Variants in WWP2 observed in about 807,000 individuals in gnomAD.
WWP2 encodes the protein NEDD4-like E3 ubiquitin-protein ligase WWP2.
In WWP2, 57 loss-of-function variants were observed where a neutral mutation model predicts 121.0. The ratio of observed to expected loss-of-function variants is 0.47; its 90% CI spans 0.38 to 0.59. The LOEUF (loss-of-function observed/expected upper bound fraction) is 0.59. Among genes scored for constraint, WWP2 ranks in the 20% least tolerant of loss-of-function variants. The pLI, the probability that WWP2 is intolerant of heterozygous loss-of-function variation, is 0.00. For missense variants in WWP2, 962 were observed against 1,158.9 expected (o/e 0.83, Z 2.47); for synonymous variants, 449 against 441.3 (o/e 1.02, Z -0.22).
At chr16:69,841,355 G>A (rs2056973983) in intron 5 of WWP2, among the ~76,000 whole-genome samples, 1 of 152,224 alleles carries the variant, frequency 6.6e-6, no homozygotes, top group Admixed American at 6.5e-5. Context: ...GTTTCTCTGA[G>A]GAAGCTGAGA....
chr16:69,931,453 A>G, intron 14 of WWP2, 56 bp from the exon 15 acceptor site: 3 of 1,603,638 alleles, frequency 1.9e-6, no homozygotes, highest in Middle Eastern at 1.7e-4. Flanking sequence ...TACAGACAGG[A>G]GAACAGATGA....
intron 1 of WWP2, among the ~76,000 whole-genome samples, chr16:69,786,302 C>T (rs1219825675): frequency 6.6e-6 from 1 of 151,674 alleles, no homozygotes; most frequent in Non-Finnish European, 1.5e-5. Flanking sequence ...CACCACTATG[C>T]TTGGCTAATT....
intron 9 of WWP2, among the ~76,000 whole-genome samples, chr16:69,913,928 C>T (rs1567428388): frequency 6.6e-6 from 1 of 151,282 alleles, no homozygotes; most frequent in Non-Finnish European, 1.5e-5. Context: ...AAAAATTAGC[C>T]AGGCGTGGTG....
chr16:69,795,259 TACACACACACACACACACAC>T (rs10578834), intron 2 of WWP2, among the ~76,000 whole-genome samples: 1 of 92,962 alleles, frequency 1.1e-5, no homozygotes, highest in East Asian at 2.2e-4. Context: ...AAAATGCGGA[TACACACACACACACACACAC>T]ACACACACAC....
chr16:69,940,071 T>A lies in WWP2; in HGVS notation c.*131T>A. The A allele has an allele frequency of 1.4e-6, 1 of 709,730 alleles. No homozygotes were observed. The highest frequency in any genetic ancestry group is 2.3e-6 in the Non-Finnish European group (1 of 436,674). The allele number at this position is 709,730 out of a possible 1,614,324, so 44.0% of individuals were successfully genotyped here. ...CCCTGTGTGGGACCACACTGTCATCTCGCTGCTGGCAGAAAAGCCTGATCC... is the reference window on the plus strand; with the variant it reads ...CCCTGTGTGGGACCACACTGTCATCACGCTGCTGGCAGAAAAGCCTGATCC... On this transcript the variant is annotated 3_prime_UTR_variant, in exon 24 of 24. Coordinates refer to ENST00000359154, the MANE Select transcript of WWP2 (RefSeq NM_001270454.2).
At chr16:69,887,025 C>T (rs1366103679) in intron 7 of WWP2, among the ~76,000 whole-genome samples, 1 of 152,064 alleles carries the variant, frequency 6.6e-6, no homozygotes, top group Admixed American at 6.6e-5. Flanking sequence ...TCCAAAAAAC[C>T]ACAGTTCTTT....
At chr16:69,889,620 A>G (rs899519347) in intron 8 of WWP2, among the ~76,000 whole-genome samples, 4 of 152,166 alleles carry the variant, frequency 2.6e-5, no homozygotes, top group Non-Finnish European at 5.9e-5. Context: ...CTGGTAAGTG[A>G]TATTTTCCGA....
chr16:69,933,288 T>A (rs2058745702), intron 16 of WWP2: 1 of 367,254 alleles, frequency 2.7e-6, no homozygotes, highest in Non-Finnish European at 5.5e-6. Flanking sequence ...CCAAAAGGAC[T>A]CTGAATTCAT....
intron 8 of WWP2, among the ~76,000 whole-genome samples, chr16:69,900,846 G>A (rs1450293927): frequency 6.6e-6 from 1 of 152,150 alleles, no homozygotes; most frequent in Non-Finnish European, 1.5e-5. Context: ...CTCTATTGAG[G>A]AGCTTTGGTA....
In WWP2 at chr16:69,782,875, T is replaced by G. The variant is rs190030426; in HGVS notation, c.-15-4121T>G. On this transcript the variant is annotated intron_variant, in intron 1 of 23. Transcript: ENST00000359154. ...AAATAGAGCCAAGGTCTCACTATGTTGCCCAGGCTGGTCTTGAATTCCTGC... is the reference window on the plus strand; with the variant it reads ...AAATAGAGCCAAGGTCTCACTATGTGGCCCAGGCTGGTCTTGAATTCCTGC... Among the ~76,000 whole-genome samples, 4 of 152,298 alleles carry G rather than the reference T, an allele frequency of 2.6e-5. No homozygotes were observed. In the East Asian group the frequency reaches 7.7e-4, roughly 29 times the overall value.
intron 4 of WWP2, among the ~76,000 whole-genome samples, chr16:69,800,462 A>G (rs938563520): frequency 6.6e-6 from 1 of 152,174 alleles, no homozygotes; most frequent in Non-Finnish European, 1.5e-5. Context: ...CCCAGCCAAT[A>G]TACTTTTGCT....
rs79710401 is a variant in WWP2 at position 69,918,391 on chromosome 16, A to T, written c.1179+508A>T. ...GCTCATCTAGATCAGGGATTGGCAA[A>T]TAATAGTCCATGGGCCAAGCTGGCC... On this transcript the variant is annotated intron_variant, in intron 10 of 23. Coordinates refer to ENST00000359154, the MANE Select transcript of WWP2 (RefSeq NM_001270454.2). Among the ~76,000 whole-genome samples, 501 of 152,344 alleles carry T rather than the reference A, an allele frequency of 3.3e-3. 4 individuals carry two copies. Among genetic ancestry groups the T allele is most frequent in the African/African-American group, 0.011 (476 of 41,582 alleles).
At chr16:69,892,983 G>T (rs2058052625) in intron 8 of WWP2, among the ~76,000 whole-genome samples, 1 of 152,202 alleles carries the variant, frequency 6.6e-6, no homozygotes. Context: ...TACCCTTCAA[G>T]CCTTCGGTGG....
intron 2 of WWP2, 81 bp from the exon 3 acceptor site, chr16:69,798,601 A>C: frequency 6.8e-7 from 1 of 1,467,890 alleles, no homozygotes; most frequent in Admixed American, 2.2e-5. Flanking sequence ...CAATAACTAA[A>C]AAGAGCCGGA....
chr16:69,817,117 T>C (rs1367387430), intron 4 of WWP2, among the ~76,000 whole-genome samples: 1 of 152,216 alleles, frequency 6.6e-6, no homozygotes, highest in African/African-American at 2.4e-5. Context: ...TATAATCATA[T>C]TTGTATGTAT....
At chr16:69,872,068 A>G in intron 7 of WWP2, 137 bp downstream of exon 7, 1 of 1,334,010 alleles carries the variant, frequency 7.5e-7, no homozygotes, top group Non-Finnish European at 1.0e-6. Flanking sequence ...CTGGATTTGA[A>G]TCCATCAGTC....
intron 2 of WWP2, among the ~76,000 whole-genome samples, chr16:69,797,313 C>T (rs544739732): frequency 2.6e-4 from 40 of 152,244 alleles, no homozygotes; most frequent in African/African-American, 8.9e-4. Context: ...AATCGAAGAA[C>T]AGCAATAGAA....
chr16:69,851,085 A>G (rs1379124119), intron 6 of WWP2, among the ~76,000 whole-genome samples: 1 of 140,282 alleles, frequency 7.1e-6, no homozygotes, highest in Non-Finnish European at 1.5e-5. Context: ...ATCTCAGCTT[A>G]CTGCAACCTC....
At position 69,798,799 on chromosome 16, in the gene WWP2, C is replaced by T; in HGVS notation, c.188C>T (p.Ser63Phe). 1 of 1,614,088 alleles carries T rather than the reference C, an allele frequency of 6.2e-7. No homozygotes were observed. Among genetic ancestry groups the T allele is most frequent in the Non-Finnish European group, 8.5e-7 (1 of 1,180,000 alleles). Residue 63 changes from serine (S) to phenylalanine (F), a missense_variant, in exon 3 of 24, where the codon TCT becomes TTT. This residue lies in a region of WWP2 where 145 missense variants were observed against 189.8 expected (regional missense o/e 0.76). Coordinates refer to ENST00000359154, the MANE Select transcript of WWP2 (RefSeq NM_001270454.2). ...AAGACTGGGAAGCGCATTGGGAGCT[C>T]TGAGCTTCTCTGGAATGAGATCATC... Reference protein sequence around the residue: ...TKKTGKRIGSSELLWNEIIIL... With the variant: ...TKKTGKRIGSFELLWNEIIIL...
Sources: gnomAD v4.1 joint callset for allele counts (sites outside exome capture counted in the v4.1 genomes callset) on GRCh38, gnomAD v4.1.1 for gene constraint, gnomAD v4.1.1 regional missense constraint, MANE v1.5 for transcripts, NCBI Gene and HGNC (gene_info 2026-07-23, HGNC 2026-07-21) for gene names.